Variants in TAFA4 observed in about 807,000 individuals in gnomAD.
The protein encoded by TAFA4 is TAFA chemokine like family member 4.
TAFA4 carries 20 observed loss-of-function variants against 21.1 expected under a neutral mutation model. That is an observed-to-expected ratio of 0.95 (90% CI 0.67 to 1.38). The LOEUF (loss-of-function observed/expected upper bound fraction) is 1.38, where lower values mean the gene tolerates loss of function less well. Ranked by LOEUF, TAFA4 falls within the 40% of genes most tolerant of loss-of-function variation. The pLI is 0.00. For missense variants in TAFA4, 211 were observed against 180.9 expected, an observed-to-expected ratio of 1.17 and a Z score of -0.95; for synonymous variants, 71 against 67.4, an observed-to-expected ratio of 1.05 and a Z score of -0.26.
intron 3 of TAFA4, among the ~76,000 whole-genome samples, chr3:68,797,342 G>A (rs1368849243): frequency 1.3e-5 from 2 of 152,124 alleles, no homozygotes; most frequent in African/African-American, 2.4e-5. Flanking sequence ...GGCCAGGTGT[G>A]GTGGCTCACA....
intron 3 of TAFA4, among the ~76,000 whole-genome samples, chr3:68,876,064 T>G (rs1372778622): frequency 6.6e-6 from 1 of 152,122 alleles, no homozygotes; most frequent in Non-Finnish European, 1.5e-5. Flanking sequence ...AAAGCAACAT[T>G]AAGACCTAAC....
chr3:68,813,481 G>T (rs949118059), intron 3 of TAFA4, among the ~76,000 whole-genome samples: 1 of 152,036 alleles, frequency 6.6e-6, no homozygotes, highest in Non-Finnish European at 1.5e-5. Flanking sequence ...ATGATAACAG[G>T]ATACCACCAC....
At chr3:68,832,844 A>T (rs1053196511) in intron 3 of TAFA4, among the ~76,000 whole-genome samples, 2 of 152,224 alleles carry the variant, frequency 1.3e-5, no homozygotes, top group South Asian at 4.1e-4. Context: ...GGCTCTGCCC[A>T]GTTCAAGCTT....
At chr3:68,784,154 A>G (rs1703206370) in intron 3 of TAFA4, among the ~76,000 whole-genome samples, 1 of 152,242 alleles carries the variant, frequency 6.6e-6, no homozygotes. Flanking sequence ...AAAAATTAAA[A>G]TAATTCTGAC....
chr3:68,873,909 G>A (rs1459821071), intron 3 of TAFA4, among the ~76,000 whole-genome samples: 2 of 152,114 alleles, frequency 1.3e-5, no homozygotes, highest in Non-Finnish European at 2.9e-5. Context: ...TTTATTCCCA[G>A]CCCTTTCCCA....
chr3:68,891,479 C>T (rs1002264915), intron 1 of TAFA4, among the ~76,000 whole-genome samples: 1 of 152,172 alleles, frequency 6.6e-6, no homozygotes, highest in Non-Finnish European at 1.5e-5. Flanking sequence ...CTCTGACCTC[C>T]CGGGCTGGGA....
intron 4 of TAFA4, among the ~76,000 whole-genome samples, chr3:68,742,997 G>A (rs544399199): frequency 3.3e-5 from 5 of 152,264 alleles, no homozygotes; most frequent in Non-Finnish European, 5.9e-5. Context: ...ATGAGAGCAC[G>A]GGACAATTTC....
At chr3:68,858,634 T>A (rs751984238) in intron 3 of TAFA4, among the ~76,000 whole-genome samples, 1 of 150,892 alleles carries the variant, frequency 6.6e-6, no homozygotes, top group Non-Finnish European at 1.5e-5. Flanking sequence ...TGCATTCACA[T>A]AGATGCAAGT....
At chr3:68,796,262 T>C (rs1215221320) in intron 3 of TAFA4, among the ~76,000 whole-genome samples, 2 of 152,172 alleles carry the variant, frequency 1.3e-5, no homozygotes, top group Non-Finnish European at 2.9e-5. Context: ...AGTGACAAAC[T>C]GTAGAATAAC....
At chr3:68,792,524 T>C (rs1283091036) in intron 3 of TAFA4, among the ~76,000 whole-genome samples, 1 of 152,088 alleles carries the variant, frequency 6.6e-6, no homozygotes. Flanking sequence ...AAAGAAGAAA[T>C]TTTTCTAACA....
intron 5 of TAFA4, among the ~76,000 whole-genome samples, chr3:68,736,059 G>T (rs913382177): frequency 3.3e-5 from 5 of 152,068 alleles, no homozygotes; most frequent in Admixed American, 2.0e-4. Context: ...CTTAGTAGAG[G>T]ATTCAAAAAT....
intron 1 of TAFA4, 24 bp from the exon 2 acceptor site, chr3:68,885,334 A>G (rs1364851446): frequency 9.4e-6 from 6 of 637,018 alleles, no homozygotes; most frequent in Non-Finnish European, 1.1e-5. Flanking sequence ...GCCAAAAAAA[A>G]AAAAGGAATC....
chr3:68,774,649 A>T (rs979460661), intron 3 of TAFA4, among the ~76,000 whole-genome samples: 1 of 152,246 alleles, frequency 6.6e-6, no homozygotes, highest in East Asian at 1.9e-4. Context: ...ATAAATTTGA[A>T]TTTATATAAA....
chr3:68,871,641 A>C (rs1024840113), intron 3 of TAFA4, among the ~76,000 whole-genome samples: 2 of 152,158 alleles, frequency 1.3e-5, no homozygotes, highest in East Asian at 3.9e-4. Flanking sequence ...AATATTTGCA[A>C]ACTATCCATC....
At chr3:68,741,458 T>C (rs1702350581) in intron 4 of TAFA4, among the ~76,000 whole-genome samples, 1 of 152,150 alleles carries the variant, frequency 6.6e-6, no homozygotes, top group African/African-American at 2.4e-5. Flanking sequence ...GATGTAGATT[T>C]TGTATTCTGC....
chr3:68,797,800 A>G (rs1703482660), intron 3 of TAFA4, among the ~76,000 whole-genome samples: 1 of 152,130 alleles, frequency 6.6e-6, no homozygotes, highest in South Asian at 2.1e-4. Flanking sequence ...GGTGACGAAT[A>G]CCATCACCCT....
rs573323920 is a variant in TAFA4 at position 68,853,031 on chromosome 3, G to A, written c.130+27699C>T. On this transcript the variant is annotated intron_variant, in intron 3 of 5. Coordinates refer to ENST00000295569, the MANE Select transcript of TAFA4 (RefSeq NM_182522.5). ...CTTCTCTCTTCTCAGGAAAACTGAG[G>A]GTTCTTAAACAAGAAATGCAAAGGT... is the stretch of plus-strand genomic sequence containing the variant. Among the ~76,000 whole-genome samples, 8 of 152,048 alleles carry A rather than the reference G, an allele frequency of 5.3e-5. No individual in the cohort carries two copies. In the South Asian group the frequency reaches 1.5e-3, roughly 28 times the overall value.
chr3:68,919,225 A>C (rs2090034463), intron 1 of TAFA4, among the ~76,000 whole-genome samples: 1 of 152,224 alleles, frequency 6.6e-6, no homozygotes, highest in Admixed American at 6.5e-5. Context: ...CATAGCCATC[A>C]ATTCACTTTA....
chr3:68,890,820 C>T (rs2089722532), intron 1 of TAFA4, among the ~76,000 whole-genome samples: 1 of 152,178 alleles, frequency 6.6e-6, no homozygotes, highest in African/African-American at 2.4e-5. Context: ...ATCAATCTGA[C>T]ATTAAAAATT....
Sources: allele counts gnomAD v4.1 joint callset (sites outside exome capture counted in the v4.1 genomes callset), GRCh38; gene constraint gnomAD v4.1.1; transcripts MANE v1.5; gene names NCBI Gene and HGNC (gene_info 2026-07-23, HGNC 2026-07-21).